The following MGST1 variants were observed in gnomAD, a reference collection of about 807,000 sequenced individuals.
MGST1 encodes glutathione S-transferase 12.
A neutral mutation model predicts 8.9 loss-of-function variants in MGST1; 5 were observed. The observed-to-expected ratio is 0.56, with a 90% CI of 0.29 to 1.19. The LOEUF is 1.19. Ranked by LOEUF, MGST1 falls within the 50% of genes most tolerant of loss-of-function variation. The probability of loss-of-function intolerance (pLI) is 0.08; values close to 1 mark genes in which losing one functional copy is unlikely to be tolerated. For missense variants in MGST1, 182 were observed against 187.4 expected (o/e 0.97, Z 0.17); for synonymous variants, 54 against 67.8 (o/e 0.80, Z 1.00).
At chr12:16,534,721 G>A (rs747026057) in intron 4 of MGST1, among the ~76,000 whole-genome samples, 1 of 152,162 alleles carries the variant, frequency 6.6e-6, no homozygotes, top group African/African-American at 2.4e-5. Context: ...GTGAGATAGT[G>A]CTAGGTTTGG....
intron 4 of MGST1, among the ~76,000 whole-genome samples, chr12:16,471,148 G>A (rs915891959): frequency 4.6e-5 from 7 of 152,086 alleles, no homozygotes; most frequent in South Asian, 2.1e-4. Context: ...ATGGAAGAGC[G>A]GACTTAAAAA....
At chr12:16,501,255 C>G (rs1283440887) in intron 4 of MGST1, among the ~76,000 whole-genome samples, 1 of 152,128 alleles carries the variant, frequency 6.6e-6, no homozygotes, top group African/African-American at 2.4e-5. Context: ...GTTTCTAAAG[C>G]ACTGCATGAT....
intron 4 of MGST1, among the ~76,000 whole-genome samples, chr12:16,520,619 C>T (rs1941642314): frequency 1.3e-5 from 2 of 152,040 alleles, no homozygotes; most frequent in South Asian, 4.1e-4. Flanking sequence ...CATAGGTTTT[C>T]GCTGAGAAGT....
At position 16,409,229 on chromosome 12, in the gene MGST1, G is replaced by C. The variant is rs148620215; in HGVS notation, n.778+25625G>C. Among the ~76,000 whole-genome samples, 469 of 152,168 alleles carry C rather than the reference G, an allele frequency of 3.1e-3. 1 individual carries two copies. Among genetic ancestry groups the C allele is most frequent in the Non-Finnish European group, 3.8e-3 (260 of 67,992 alleles). ...TTTTCCTGGAAATTTATTTGTGAGA[G>C]TTATCTGAGGTCTAGAGTTAAGGTG... On this transcript the variant is annotated intron_variant and non_coding_transcript_variant, in intron 1 of 1. Coordinates refer to the MGST1 transcript ENST00000359720.
At chr12:16,444,469 A>G (rs2137106497) in intron 4 of MGST1, among the ~76,000 whole-genome samples, 1 of 151,938 alleles carries the variant, frequency 6.6e-6, no homozygotes, top group South Asian at 2.1e-4. Context: ...AAGCACCTCA[A>G]AAAGCTTCAG....
rs185988467 is a variant in MGST1 at position 16,559,925 on chromosome 12, G to A, written n.483-29603G>A. Reference sequence around the variant, plus strand: ...GCATGAGCCATGTTAGTGCCACTGCGCTCTAGGCTGGGTGACAGAACCAGA... The same window carrying A: ...GCATGAGCCATGTTAGTGCCACTGCACTCTAGGCTGGGTGACAGAACCAGA... On this transcript the variant is annotated intron_variant and non_coding_transcript_variant, in intron 4 of 4. Coordinates refer to the MGST1 transcript ENST00000538857. This position sits in a 1 kb window ranked among gnomAD's most constrained non-coding sequence, Gnocchi z 4.1. Among the ~76,000 whole-genome samples the A allele has an allele frequency of 6.1e-4, 93 of 152,136 alleles. No individual in the cohort carries two copies. Among genetic ancestry groups the A allele is most frequent in the African/African-American group, 1.7e-3 (69 of 41,496 alleles).
At chr12:16,524,996 G>A (rs186627034) in intron 4 of MGST1, among the ~76,000 whole-genome samples, 6 of 149,738 alleles carry the variant, frequency 4.0e-5, no homozygotes, top group Admixed American at 2.7e-4. Flanking sequence ...TTATGGATGA[G>A]AAAATTTATT....
intron 3 of MGST1, chr12:16,370,298 T>C (rs1463649050): frequency 6.6e-6 from 1 of 152,180 alleles, no homozygotes. Flanking sequence ...GAACAAATAT[T>C]TGGACAGCCT....
At chr12:16,404,845 CT>C (rs2137066498) in intron 1 of MGST1, among the ~76,000 whole-genome samples, 1 of 152,294 alleles carries the variant, frequency 6.6e-6, no homozygotes, top group South Asian at 2.1e-4. Context: ...TTGCTTTCCT[CT>C]GGCTCTGAGA....
At position 16,560,278 on chromosome 12, in the gene MGST1, G is replaced by T; in HGVS notation, n.483-29250G>T. ...TCCTTAGTAGCTTGTCTCTGGCATGGGATTAAAGTTTACAGAACAGAAAAA... is the reference window on the plus strand; with the variant it reads ...TCCTTAGTAGCTTGTCTCTGGCATGTGATTAAAGTTTACAGAACAGAAAAA... On this transcript the variant is annotated intron_variant and non_coding_transcript_variant, in intron 4 of 4. Transcript: ENST00000538857. This position sits in a 1 kb window ranked among gnomAD's most constrained non-coding sequence, Gnocchi z 5.0. 2 of 923,474 alleles carry T rather than the reference G, an allele frequency of 2.2e-6. No individual in the cohort carries two copies. The highest frequency in any genetic ancestry group is 3.1e-6 in the Non-Finnish European group (2 of 636,586). 57.2% of individuals were successfully genotyped at this position (923,474 alleles called of 1,614,324 possible). A position where few individuals can be genotyped will look rare whatever the true frequency, so the allele number is the denominator to read the frequency against.
At chr12:16,474,369 A>C (rs996995946) in intron 4 of MGST1, among the ~76,000 whole-genome samples, 4 of 152,250 alleles carry the variant, frequency 2.6e-5, no homozygotes, top group African/African-American at 9.6e-5. Flanking sequence ...ACTTCTAAAA[A>C]ACATTGTCAA....
At chr12:16,395,780 CATATATATAT>C (rs369986291) in intron 1 of MGST1, among the ~76,000 whole-genome samples, 4 of 121,804 alleles carry the variant, frequency 3.3e-5, no homozygotes, top group Non-Finnish European at 5.0e-5. Flanking sequence ...AGTATTCCAT[CATATATATAT>C]ATATATATAT....
intron 4 of MGST1, among the ~76,000 whole-genome samples, chr12:16,490,520 C>T (rs1420905390): frequency 6.6e-6 from 1 of 152,168 alleles, no homozygotes; most frequent in African/African-American, 2.4e-5. Flanking sequence ...CAAATGCTGA[C>T]TGCTATACTA....
intron 4 of MGST1, among the ~76,000 whole-genome samples, chr12:16,528,892 C>T (rs1316680001): frequency 3.9e-5 from 6 of 152,108 alleles, no homozygotes; most frequent in South Asian, 2.1e-4. Flanking sequence ...TATCTGACAA[C>T]GGGCCAATTT....
chr12:16,492,991 C>T (rs11836845), intron 4 of MGST1, among the ~76,000 whole-genome samples: 13 of 152,276 alleles, frequency 8.5e-5, no homozygotes, highest in African/African-American at 3.1e-4. Flanking sequence ...TGCCATTACC[C>T]TAGGCACAGT....
upstream of MGST1, chr12:16,347,137 G>A (rs4149187): frequency 3.9e-5 from 6 of 152,020 alleles, no homozygotes; most frequent in Non-Finnish European, 1.5e-5. This position sits in a 1 kb window ranked among gnomAD's most constrained non-coding sequence, Gnocchi z 4.0. Context: ...GAACAGGAGG[G>A]GACATCGTGA....
At chr12:16,514,048 C>A in intron 4 of MGST1, 1 of 393,768 alleles carries the variant, frequency 2.5e-6, no homozygotes, top group South Asian at 2.5e-5. Flanking sequence ...GGACCCTGGT[C>A]CCAAGCAGCA....
chr12:16,499,268 A>G (rs1055647452), intron 4 of MGST1, among the ~76,000 whole-genome samples: 1 of 152,200 alleles, frequency 6.6e-6, no homozygotes, highest in Non-Finnish European at 1.5e-5. Context: ...GCTATTTGCA[A>G]TTTAATCAAG....
At chr12:16,541,093 A>C (rs1226768959) in intron 4 of MGST1, among the ~76,000 whole-genome samples, 1 of 152,206 alleles carries the variant, frequency 6.6e-6, no homozygotes, top group Non-Finnish European at 1.5e-5. Flanking sequence ...GTAATATTTT[A>C]AAAACTAGAC....
Sources: gnomAD v4.1 joint callset for allele counts (sites outside exome capture counted in the v4.1 genomes callset) on GRCh38, gnomAD v4.1.1 for gene constraint, Gnocchi (gnomAD v3.1) non-coding constraint, MANE v1.5 for transcripts, NCBI Gene and HGNC (gene_info 2026-07-23, HGNC 2026-07-21) for gene names.